FOXP2: variants seen among roughly 807,000 people sequenced by gnomAD.
FOXP2 encodes the protein forkhead box protein P2.
In FOXP2, 12 loss-of-function variants were observed where a neutral mutation model predicts 115.8. That is an observed-to-expected ratio of 0.10 (90% CI 0.07 to 0.17). The LOEUF (loss-of-function observed/expected upper bound fraction) is 0.17. Among genes scored for constraint, FOXP2 ranks in the 10% least tolerant of loss-of-function variants. The pLI, the probability that FOXP2 is intolerant of heterozygous loss-of-function variation, is 1.00. For synonymous variants in FOXP2, 328 were observed against 297.7 expected (o/e 1.10, Z -1.05); for missense variants, 629 against 843.5 (o/e 0.75, Z 3.15).
intron 2 of FOXP2, among the ~76,000 whole-genome samples, chr7:114,405,770 C>T (rs1291994657): frequency 1.3e-5 from 2 of 151,816 alleles, no homozygotes; most frequent in Non-Finnish European, 3.0e-5. Flanking sequence ...ATAGAAAATT[C>T]ACTATGAAGT....
intron 16 of FOXP2, chr7:114,667,520 T>G (rs1294849267): frequency 6.6e-6 from 1 of 152,158 alleles, no homozygotes; most frequent in Admixed American, 6.5e-5. Flanking sequence ...TACCTAGTTA[T>G]CTGAAGTTTT....
At chr7:114,230,508 A>C (rs1223542796) in intron 1 of FOXP2, among the ~76,000 whole-genome samples, 2 of 152,054 alleles carry the variant, frequency 1.3e-5, no homozygotes, top group Non-Finnish European at 2.9e-5. Context: ...ACAGCACATT[A>C]AAAGAATCAT....
At chr7:114,483,671 T>A (rs1379234556) in intron 2 of FOXP2, among the ~76,000 whole-genome samples, 1 of 151,752 alleles carries the variant, frequency 6.6e-6, no homozygotes, top group Non-Finnish European at 1.5e-5. Context: ...TTTAAAAAGG[T>A]TAATATTGGT....
chr7:114,313,997 A>C lies in FOXP2; in HGVS notation c.-11+25888A>C, dbSNP rs1175206163. 4.6e-5 allele frequency among the ~76,000 whole-genome samples: 7 copies of C among 151,894 alleles called. No individual in the cohort carries two copies. The East Asian group carries it at 1.4e-3, about 29-fold the overall frequency. On this transcript the variant is annotated intron_variant, in intron 2 of 17. Coordinates refer to the FOXP2 transcript ENST00000634411. ...AGTGGATTGCAACCAGCATATTTAA[A>C]AATGTAATGTAATAGAATAAATAGA... is the stretch of plus-strand genomic sequence containing the variant.
intron 3 of FOXP2, among the ~76,000 whole-genome samples, chr7:114,561,996 G>A (rs1800780638): frequency 6.6e-6 from 1 of 151,998 alleles, no homozygotes; most frequent in South Asian, 2.1e-4. Context: ...GTGGACCTAA[G>A]GAATTCCCAT....
chr7:114,281,086 G>T (rs1190428216), intron 1 of FOXP2, among the ~76,000 whole-genome samples: 1 of 144,732 alleles, frequency 6.9e-6, no homozygotes, highest in African/African-American at 2.5e-5. Flanking sequence ...GGCTTTTTAT[G>T]CAATTTGAAT....
At chr7:114,603,254 A>G (rs924957020) in intron 3 of FOXP2, among the ~76,000 whole-genome samples, 3 of 152,174 alleles carry the variant, frequency 2.0e-5, no homozygotes, top group African/African-American at 7.2e-5. Flanking sequence ...TCATAAAACC[A>G]AAGAAAGATA....
At chr7:114,593,509 C>T (rs1802543210) in intron 3 of FOXP2, among the ~76,000 whole-genome samples, 2 of 151,920 alleles carry the variant, frequency 1.3e-5, no homozygotes, top group Non-Finnish European at 2.9e-5. Context: ...CTTATATGAT[C>T]AATGATAAAA....
intron 1 of FOXP2, among the ~76,000 whole-genome samples, chr7:114,196,717 G>A (rs1206056217): frequency 6.6e-6 from 1 of 152,122 alleles, no homozygotes; most frequent in Non-Finnish European, 1.5e-5. Context: ...AGACACTGTG[G>A]GTATGCGATC....
In FOXP2 at chr7:114,502,778, C is replaced by T. The variant is rs957232443; in HGVS notation, c.169-31839C>T. On this transcript the variant is annotated intron_variant, in intron 2 of 16. Transcript: ENST00000350908. ...ATGACTGAATTCATCACCAATTCAT[C>T]AGGGACGCTGAGCTATGCAGTTCTG... Among the ~76,000 whole-genome samples the T allele has an allele frequency of 9.2e-5, 14 of 152,126 alleles. No homozygotes were observed. The East Asian group carries it at 2.7e-3, about 29-fold the overall frequency.
Position 114,551,275 on chromosome 7 carries a change from C to T in FOXP2, c.258+16569C>T, listed in dbSNP as rs534674765. 2.6e-5 allele frequency among the ~76,000 whole-genome samples: 4 copies of T among 152,216 alleles called. No individual in the cohort carries two copies. In the South Asian group the frequency reaches 8.3e-4, roughly 32 times the overall value. On this transcript the variant is annotated intron_variant, in intron 3 of 16. Coordinates refer to ENST00000350908, the MANE Select transcript of FOXP2 (RefSeq NM_014491.4). ...GTTAGACACTTTGCCAGGCAGACAC[C>T]AGGTACCATAGGGGATTCAAAGATG...
chr7:114,268,775 T>G (rs1401264239), intron 1 of FOXP2, among the ~76,000 whole-genome samples: 1 of 152,030 alleles, frequency 6.6e-6, no homozygotes, highest in Admixed American at 6.6e-5. Flanking sequence ...TCCTCTGCCA[T>G]AGATTAGTAA....
At chr7:114,238,238 C>T (rs867689878) in intron 1 of FOXP2, among the ~76,000 whole-genome samples, 6 of 151,820 alleles carry the variant, frequency 4.0e-5, no homozygotes, top group African/African-American at 1.2e-4. Flanking sequence ...CAGAACTTGA[C>T]CTATATCTAC....
chr7:114,539,209 A>G lies in FOXP2; in HGVS notation c.258+4503A>G, dbSNP rs151056503. ...TAAGTTATAAAAGTTTATAATTTGTAAAATATTCTGGAGGAAAATACTAAC... is the reference window on the plus strand; with the variant it reads ...TAAGTTATAAAAGTTTATAATTTGTGAAATATTCTGGAGGAAAATACTAAC... On this transcript the variant is annotated intron_variant, in intron 3 of 16. Coordinates refer to ENST00000350908, the MANE Select transcript of FOXP2 (RefSeq NM_014491.4). Among the ~76,000 whole-genome samples the G allele has an allele frequency of 5.3e-5, 8 of 152,084 alleles. No individual in the cohort carries two copies. The East Asian group carries it at 1.5e-3, about 29-fold the overall frequency.
At chr7:114,413,646 T>C (rs1330681284), upstream of FOXP2, among the ~76,000 whole-genome samples, 2 of 152,084 alleles carry the variant, frequency 1.3e-5, no homozygotes, top group Non-Finnish European at 2.9e-5. Flanking sequence ...GGGTTGAAGG[T>C]GAAATGTGAA....
chr7:114,461,395 A>G (rs1381554809), intron 2 of FOXP2, among the ~76,000 whole-genome samples: 1 of 152,014 alleles, frequency 6.6e-6, no homozygotes, highest in African/African-American at 2.4e-5. Context: ...AACCATTGTT[A>G]GCCCTTATTT....
chr7:114,354,638 A>C (rs1026367918), intron 2 of FOXP2, among the ~76,000 whole-genome samples: 1 of 151,996 alleles, frequency 6.6e-6, no homozygotes, highest in African/African-American at 2.4e-5. Flanking sequence ...TGTCATCTCA[A>C]TTCTACCTTA....
At chr7:114,104,151 C>T (rs900826092) in intron 1 of FOXP2, among the ~76,000 whole-genome samples, 1 of 151,472 alleles carries the variant, frequency 6.6e-6, no homozygotes, top group Non-Finnish European at 1.5e-5. Flanking sequence ...TTATGGGCAG[C>T]ATGGCTTTCA....
upstream of FOXP2, chr7:114,414,182 T>C (rs1489981006): frequency 6.6e-6 from 1 of 152,164 alleles, no homozygotes; most frequent in Non-Finnish European, 1.5e-5. Flanking sequence ...TTCATGCTTA[T>C]GGGGTCCACA....
Sources: gnomAD v4.1 joint callset for allele counts (sites outside exome capture counted in the v4.1 genomes callset) on GRCh38, gnomAD v4.1.1 for gene constraint, MANE v1.5 for transcripts, NCBI Gene and HGNC (gene_info 2026-07-23, HGNC 2026-07-21) for gene names.